Variants in RASAL2 observed in about 807,000 individuals in gnomAD.
The protein encoded by RASAL2 is RAS protein activator like 2.
A neutral mutation model predicts 128.9 loss-of-function variants in RASAL2; 58 were observed. The observed-to-expected ratio is 0.45, with a 90% CI of 0.36 to 0.56. The LOEUF (loss-of-function observed/expected upper bound fraction) is 0.56. Ranked by LOEUF, RASAL2 falls within the 20% of genes least tolerant of loss-of-function variation. The pLI is 0.00. For missense variants in RASAL2, 1,360 were observed against 1,601.6 expected (o/e 0.85, Z 2.57); for synonymous variants, 561 against 580.8 (o/e 0.97, Z 0.49).
intron 5 of RASAL2, among the ~76,000 whole-genome samples, chr1:178,437,516 A>T (rs1676331344): frequency 6.6e-6 from 1 of 151,988 alleles, no homozygotes; most frequent in African/African-American, 2.4e-5. Context: ...TGCTTTAGAA[A>T]TTTTTCCTAG....
chr1:178,217,672 T>A (rs1663468521), intron 1 of RASAL2, among the ~76,000 whole-genome samples: 1 of 152,212 alleles, frequency 6.6e-6, no homozygotes, highest in African/African-American at 2.4e-5. Flanking sequence ...ATTTTTTTAT[T>A]GCTAAAAACT....
intron 3 of RASAL2, among the ~76,000 whole-genome samples, chr1:178,311,644 G>T (rs937234679): frequency 6.6e-6 from 1 of 152,032 alleles, no homozygotes; most frequent in Non-Finnish European, 1.5e-5. Context: ...ATATGTGCAC[G>T]CTGAATGATG....
At chr1:178,326,259 C>A (rs1250792348) in intron 3 of RASAL2, among the ~76,000 whole-genome samples, 1 of 151,996 alleles carries the variant, frequency 6.6e-6, no homozygotes, top group African/African-American at 2.4e-5. Flanking sequence ...AATCATATAT[C>A]AAAGGTATAT....
intron 3 of RASAL2, among the ~76,000 whole-genome samples, chr1:178,302,090 C>T (rs1390797068): frequency 1.3e-5 from 2 of 152,174 alleles, no homozygotes; most frequent in Non-Finnish European, 2.9e-5. Flanking sequence ...GCCATTCTTC[C>T]TTACATGCCA....
At chr1:178,197,325 T>C (rs1364614380) in intron 1 of RASAL2, among the ~76,000 whole-genome samples, 1 of 152,090 alleles carries the variant, frequency 6.6e-6, no homozygotes, top group Non-Finnish European at 1.5e-5. Context: ...GCTTGGTGGC[T>C]CACGTCTGTA....
At position 178,478,684 on chromosome 1, in the gene RASAL2, T is replaced by C. The variant is rs1648843957; in HGVS notation, c.*5445T>C. 1 of 152,258 alleles carries C rather than the reference T, an allele frequency of 6.6e-6. No homozygotes were observed. The highest frequency in any genetic ancestry group is 6.5e-5 in the Admixed American group (1 of 15,290). 9.4% of individuals were successfully genotyped at this position (152,258 alleles called of 1,614,324 possible). A position where few individuals can be genotyped will look rare whatever the true frequency, so the allele number is the denominator to read the frequency against. ...CTAGTAGCATTTAGATTATTCCGTA[T>C]GTGAGATCCGTATCAGCATTTCATT... On this transcript the variant is annotated 3_prime_UTR_variant, in exon 18 of 18. Transcript: ENST00000367649.
chr1:178,279,464 G>A (rs1359239985), intron 1 of RASAL2, among the ~76,000 whole-genome samples: 1 of 151,938 alleles, frequency 6.6e-6, no homozygotes, highest in Non-Finnish European at 1.5e-5. Flanking sequence ...TAAGACCTCT[G>A]GTCTTTCCCC....
chr1:178,472,928 T>C (rs1648403925), intron 17 of RASAL2, 147 bp from the exon 18 acceptor site: 2 of 862,292 alleles, frequency 2.3e-6, no homozygotes, highest in Admixed American at 2.7e-5. Context: ...CTGACCAGTG[T>C]GCAGAAAGAG....
intron 3 of RASAL2, among the ~76,000 whole-genome samples, chr1:178,355,159 A>G (rs1456878173): frequency 6.6e-6 from 1 of 152,192 alleles, no homozygotes; most frequent in Non-Finnish European, 1.5e-5. Flanking sequence ...GTATCTATAT[A>G]TTTGTATATA....
intron 3 of RASAL2, among the ~76,000 whole-genome samples, chr1:178,369,221 G>C (rs1270973794): frequency 6.6e-6 from 1 of 151,018 alleles, no homozygotes; most frequent in Non-Finnish European, 1.5e-5. Flanking sequence ...AGTGCAGTGG[G>C]GTCTGCACTC....
At chr1:178,208,426 T>C (rs1291271134) in intron 1 of RASAL2, among the ~76,000 whole-genome samples, 1 of 152,118 alleles carries the variant, frequency 6.6e-6, no homozygotes, top group African/African-American at 2.4e-5. Flanking sequence ...AGATAAGGAC[T>C]GAGATACGCC....
intron 1 of RASAL2, among the ~76,000 whole-genome samples, chr1:178,226,553 G>T (rs1354577803): frequency 6.6e-6 from 1 of 152,124 alleles, no homozygotes; most frequent in Non-Finnish European, 1.5e-5. Flanking sequence ...ACACAGATTT[G>T]TACTACACAA....
intron 4 of RASAL2, among the ~76,000 whole-genome samples, chr1:178,406,070 G>T (rs559304805): frequency 3.3e-5 from 5 of 152,040 alleles, no homozygotes; most frequent in Admixed American, 6.6e-5. Context: ...TTGCCATGTC[G>T]TCTTGTTATT....
At chr1:178,390,982 T>C (rs1672871961) in intron 4 of RASAL2, among the ~76,000 whole-genome samples, 1 of 152,126 alleles carries the variant, frequency 6.6e-6, no homozygotes, top group Non-Finnish European at 1.5e-5. Flanking sequence ...AATTAGACAA[T>C]TGTGAATTCT....
intron 1 of RASAL2, among the ~76,000 whole-genome samples, chr1:178,171,417 T>A (rs1459285399): frequency 6.6e-6 from 1 of 151,948 alleles, no homozygotes; most frequent in Non-Finnish European, 1.5e-5. Context: ...ATAAAAGTAA[T>A]TGATACTTGA....
chr1:178,206,855 C>G (rs766719233), intron 1 of RASAL2, among the ~76,000 whole-genome samples: 15 of 152,034 alleles, frequency 9.9e-5, no homozygotes, highest in Non-Finnish European at 1.8e-4. Context: ...GTACTCCACT[C>G]AATGTAATGT....
intron 3 of RASAL2, among the ~76,000 whole-genome samples, chr1:178,346,133 C>T (rs939852420): frequency 6.6e-6 from 1 of 152,108 alleles, no homozygotes; most frequent in South Asian, 2.1e-4. Flanking sequence ...TTTGCCACAT[C>T]AGCCAGGTTC....
At chr1:178,159,756 C>T (rs989152048) in intron 1 of RASAL2, among the ~76,000 whole-genome samples, 4 of 151,944 alleles carry the variant, frequency 2.6e-5, no homozygotes, top group African/African-American at 7.3e-5. Flanking sequence ...TGGTGAAACT[C>T]TGTTTTTACT....
chr1:178,347,461 A>G (rs576270091), intron 3 of RASAL2, among the ~76,000 whole-genome samples: 1 of 152,332 alleles, frequency 6.6e-6, no homozygotes, highest in Non-Finnish European at 1.5e-5. Flanking sequence ...TTTGATCATA[A>G]TATATAACAG....
Sources: allele counts gnomAD v4.1 joint callset (sites outside exome capture counted in the v4.1 genomes callset), GRCh38; gene constraint gnomAD v4.1.1; transcripts MANE v1.5; gene names NCBI Gene and HGNC (gene_info 2026-07-23, HGNC 2026-07-21).